DCP1A: variants seen among roughly 807,000 people sequenced by gnomAD.
DCP1A encodes the protein mRNA-decapping enzyme 1A.
DCP1A carries 20 observed loss-of-function variants against 58.0 expected under a neutral mutation model. That is an observed-to-expected ratio of 0.34 (90% confidence interval 0.24 to 0.50). The LOEUF (loss-of-function observed/expected upper bound fraction) is 0.50. DCP1A is among the 20% of genes least tolerant of loss of function. DCP1A has a pLI of 0.98. For synonymous variants in DCP1A, 285 were observed against 275.1 expected (o/e 1.04, Z -0.36); for missense variants, 613 against 712.2 (o/e 0.86, Z 1.59).
At chr3:53,344,808 C>T (rs186417211) in intron 2 of DCP1A, 94 bp downstream of exon 2, 16 of 921,078 alleles carry the variant, frequency 1.7e-5, no homozygotes, top group African/African-American at 3.4e-5. Context: ...ACTAGCAGGA[C>T]GGTTCCAAAG....
intron 5 of DCP1A, among the ~76,000 whole-genome samples, chr3:53,311,297 G>A (rs543014346): frequency 6.6e-5 from 10 of 152,330 alleles, no homozygotes; most frequent in Non-Finnish European, 1.3e-4. Flanking sequence ...ATTTAATGAA[G>A]AGTAAGGTGA....
chr3:53,340,265 A>G (rs1041776704), intron 3 of DCP1A, among the ~76,000 whole-genome samples: 2 of 152,220 alleles, frequency 1.3e-5, no homozygotes, highest in Non-Finnish European at 2.9e-5. Flanking sequence ...CAAAGAAAAG[A>G]GCAATCTGAA....
chr3:53,307,370 A>AT (rs1707507740), intron 5 of DCP1A, among the ~76,000 whole-genome samples: 1 of 152,160 alleles, frequency 6.6e-6, no homozygotes, highest in African/African-American at 2.4e-5. Context: ...AGGCTGGATA[A>AT]GGTTGCAAAA....
chr3:53,300,846 C>A (rs1024479094), intron 6 of DCP1A, among the ~76,000 whole-genome samples: 1 of 151,954 alleles, frequency 6.6e-6, no homozygotes, highest in Non-Finnish European at 1.5e-5. Context: ...CAGGGTTTCA[C>A]CATGTTGGCC....
intron 5 of DCP1A, 38 bp downstream of exon 5, chr3:53,312,203 C>G (rs2106835231): frequency 6.6e-7 from 1 of 1,525,048 alleles, no homozygotes. Flanking sequence ...CCGTTTTGGT[C>G]TTCCCTGGTC....
rs1406038871 is a variant in DCP1A at position 53,285,916 on chromosome 3, TA to T, written c.*1663del. On this transcript the variant is annotated 3_prime_UTR_variant, in exon 10 of 10. Transcript: ENST00000610213. Reference sequence around the variant, plus strand: ...TTACATACTATCTGTGAAAACAAACTATTCACAATTGAGCATGAAAACTTAT... The same window carrying T: ...TTACATACTATCTGTGAAAACAAACTTTCACAATTGAGCATGAAAACTTAT... The T allele has an allele frequency of 2.6e-5, 4 of 152,202 alleles. No individual in the cohort carries two copies. The highest frequency in any genetic ancestry group is 9.7e-5 in the African/African-American group (4 of 41,438). 9.4% of individuals were successfully genotyped at this position (152,202 alleles called of 1,614,324 possible). A position where few individuals can be genotyped will look rare whatever the true frequency, so the allele number is the denominator to read the frequency against.
intron 3 of DCP1A, among the ~76,000 whole-genome samples, chr3:53,325,777 AG>A (rs1232347727): frequency 6.6e-6 from 1 of 152,172 alleles, no homozygotes; most frequent in East Asian, 1.9e-4. Context: ...TCTAGGATAG[AG>A]GGGCAGAAAA....
chr3:53,331,130 T>C (rs1284316626), intron 3 of DCP1A, among the ~76,000 whole-genome samples: 3 of 152,202 alleles, frequency 2.0e-5, no homozygotes, highest in Middle Eastern at 3.2e-3. Context: ...GTGCTGGGAT[T>C]ATAGGCATGA....
chr3:53,289,809 A>G (rs1706786949), intron 8 of DCP1A, among the ~76,000 whole-genome samples: 1 of 151,458 alleles, frequency 6.6e-6, no homozygotes, highest in African/African-American at 2.4e-5. Flanking sequence ...CAGATTTGAT[A>G]CAATCAACAG....
At position 53,340,856 on chromosome 3, in the gene DCP1A, A is replaced by G. The variant is rs374629676; in HGVS notation, c.304+1288T>C. 3.9e-5 allele frequency among the ~76,000 whole-genome samples: 6 copies of G among 152,318 alleles called. No homozygotes were observed. In the East Asian group the frequency reaches 1.2e-3, roughly 29 times the overall value. ...ACATCCAATCGTTATTAGAGATTGTAAAAATGCCTGAAAGAACCCTGGACT... is the reference window on the plus strand; with the variant it reads ...ACATCCAATCGTTATTAGAGATTGTGAAAATGCCTGAAAGAACCCTGGACT... On this transcript the variant is annotated intron_variant, in intron 3 of 9. Coordinates refer to ENST00000610213, the MANE Select transcript of DCP1A (RefSeq NM_018403.7).
At position 53,312,356 on chromosome 3, in the gene DCP1A, C is replaced by T. The variant is rs371981905; in HGVS notation, c.395G>A (p.Arg132Gln). 8.7e-6 allele frequency: 14 copies of T among 1,609,934 alleles called. No homozygotes were observed. Among genetic ancestry groups the T allele is most frequent in the African/African-American group, 4.0e-5 (3 of 74,664 alleles). Residue 132 changes from arginine (R) to glutamine (Q), a missense_variant, in exon 5 of 10, where the codon CGA (arginine) becomes CAA (glutamine). Transcript: ENST00000610213. ...TTTGTCCCGAGCAGCTTGCTGGGAT[C>T]GCCGTGTCTCCTCTTCTACCACACT... ...MADVVEEETR[R>Q]SQQAARDKQS...
Position 53,295,260 on chromosome 3 carries a change from T to C in DCP1A, c.625-2433A>G, listed in dbSNP as rs145560030. 7.2e-3 allele frequency among the ~76,000 whole-genome samples: 1,095 copies of C among 152,306 alleles called. 17 individuals are homozygous for C. The highest frequency in any genetic ancestry group is 0.025 in the African/African-American group (1,034 of 41,556). On this transcript the variant is annotated intron_variant, in intron 6 of 9. Transcript: ENST00000610213. Reference sequence around the variant, plus strand: ...AAATGTAGTCAGTAAAAAGTAACTGTTGTGGAGGAAGAGGCAAGAACCTCC... The same window carrying C: ...AAATGTAGTCAGTAAAAAGTAACTGCTGTGGAGGAAGAGGCAAGAACCTCC...
At chr3:53,315,296 T>C (rs1281395316) in intron 4 of DCP1A, among the ~76,000 whole-genome samples, 1 of 151,962 alleles carries the variant, frequency 6.6e-6, no homozygotes, top group Non-Finnish European at 1.5e-5. Context: ...TCCCAGCACT[T>C]TGGGAGGCCA....
At chr3:53,326,429 G>C (rs368131676) in intron 3 of DCP1A, among the ~76,000 whole-genome samples, 7 of 152,340 alleles carry the variant, frequency 4.6e-5, no homozygotes, top group South Asian at 2.1e-4. Context: ...TTAAAATACA[G>C]CTTCCAAAGT....
intron 3 of DCP1A, among the ~76,000 whole-genome samples, chr3:53,323,101 G>T (rs1708017280): frequency 6.6e-6 from 1 of 152,160 alleles, no homozygotes; most frequent in African/African-American, 2.4e-5. Context: ...TGGGATTACA[G>T]GCGTGAGCCA....
At chr3:53,330,718 CT>C (rs1553691175) in intron 3 of DCP1A, among the ~76,000 whole-genome samples, 1 of 151,734 alleles carries the variant, frequency 6.6e-6, no homozygotes, top group Admixed American at 6.6e-5. Flanking sequence ...TGGTAAAGTG[CT>C]TGGCAAATGA....
At chr3:53,327,465 AAATGC>A (rs1708142092) in intron 3 of DCP1A, among the ~76,000 whole-genome samples, 1 of 152,234 alleles carries the variant, frequency 6.6e-6, no homozygotes, top group Non-Finnish European at 1.5e-5. Context: ...TGTTGGTAGC[AAATGC>A]TTAGCCTGTG....
At chr3:53,319,815 C>A (rs575731518) in intron 3 of DCP1A, among the ~76,000 whole-genome samples, 1 of 152,250 alleles carries the variant, frequency 6.6e-6, no homozygotes, top group Non-Finnish European at 1.5e-5. Context: ...CATATTGATT[C>A]TAAGATGCAT....
intron 2 of DCP1A, among the ~76,000 whole-genome samples, chr3:53,344,240 C>T (rs1309826138): frequency 2.0e-5 from 3 of 152,038 alleles, no homozygotes; most frequent in African/African-American, 4.8e-5. Flanking sequence ...AGAGTTAAGA[C>T]CTTAGAGGAA....
Sources: gnomAD v4.1 joint callset for allele counts (sites outside exome capture counted in the v4.1 genomes callset) on GRCh38, gnomAD v4.1.1 for gene constraint, MANE v1.5 for transcripts, NCBI Gene and HGNC (gene_info 2026-07-23, HGNC 2026-07-21) for gene names.